The following CCZ1B variants were observed in gnomAD, a reference collection of about 807,000 sequenced individuals.
The protein encoded by CCZ1B is CCZ1B vacuolar protein trafficking and biogenesis associated, also known as vacuolar fusion protein CCZ1 homolog B.
In CCZ1B, 25 loss-of-function variants were observed where a neutral mutation model predicts 58.8. The observed-to-expected ratio is 0.43, with a 90% CI of 0.31 to 0.59. The LOEUF is 0.59. Ranked by LOEUF, CCZ1B falls within the 20% of genes least tolerant of loss-of-function variation. The pLI is 0.12. For synonymous variants in CCZ1B, 66 were observed against 173.2 expected, an observed-to-expected ratio of 0.38 and a Z score of 4.86; for missense variants, 180 against 501.5, an observed-to-expected ratio of 0.36 and a Z score of 6.12.
At chr7:6,804,355 G>A (rs1439809764) in intron 12 of CCZ1B, among the ~76,000 whole-genome samples, 8 of 128,352 alleles carry the variant, frequency 6.2e-5, no homozygotes, top group Admixed American at 1.8e-4. Flanking sequence ...CCTGGGAGGC[G>A]GAGGCTGCAG....
At chr7:6,823,398 G>C in intron 4 of CCZ1B, 38 bp from the exon 5 acceptor site, 3 of 1,604,466 alleles carry the variant, frequency 1.9e-6, no homozygotes, top group Non-Finnish European at 2.6e-6. Flanking sequence ...CTCAGTTCAA[G>C]GGAAAAACAA....
chr7:6,824,433 G>T (rs1783162405), intron 3 of CCZ1B, 22 bp downstream of exon 3: 1 of 1,603,866 alleles, frequency 6.2e-7, no homozygotes, highest in Middle Eastern at 2.3e-4. Flanking sequence ...ATTTCAGAAA[G>T]ATACACTGTG....
At chr7:6,813,749 T>A (rs1447433883) in intron 8 of CCZ1B, among the ~76,000 whole-genome samples, 1 of 149,556 alleles carries the variant, frequency 6.7e-6, no homozygotes, top group South Asian at 2.1e-4. Flanking sequence ...CACTAAAACA[T>A]CTACTGAAAA....
intron 5 of CCZ1B, among the ~76,000 whole-genome samples, chr7:6,822,706 C>CTTTTT: frequency 8.3e-6 from 1 of 120,336 alleles, no homozygotes; most frequent in South Asian, 3.3e-4. Flanking sequence ...ACTTTTTATC[C>CTTTTT]TTTTTTTTTT....
chr7:6,818,840 C>G (rs1269650039), intron 7 of CCZ1B, among the ~76,000 whole-genome samples: 35 of 148,802 alleles, frequency 2.4e-4, no homozygotes, highest in African/African-American at 8.7e-4. Flanking sequence ...TGCACAACCT[C>G]GGTTGCCACC....
intron 1 of CCZ1B, among the ~76,000 whole-genome samples, chr7:6,825,299 G>A (rs555501037): frequency 1.4e-5 from 2 of 146,332 alleles, no homozygotes; most frequent in Non-Finnish European, 3.0e-5. Flanking sequence ...GTGCAGTGGC[G>A]CTATTACAGC....
At chr7:6,825,719 C>T (rs541764945) in intron 1 of CCZ1B, among the ~76,000 whole-genome samples, 1 of 129,470 alleles carries the variant, frequency 7.7e-6, no homozygotes, top group Non-Finnish European at 1.6e-5. Context: ...ACAGGGACCT[C>T]CAGGCTTGCA....
chr7:6,810,738 C>T lies in CCZ1B; in HGVS notation c.954+1214G>A, dbSNP rs566875337. 1.1e-4 allele frequency among the ~76,000 whole-genome samples: 17 copies of T among 149,638 alleles called. No individual in the cohort carries two copies. The East Asian group carries it at 3.3e-3, about 29-fold the overall frequency. ...CCCAAAGTGCTGGGACTGCACCTGG[C>T]CCATTTCAATTTTATATTAATAGAT... is the stretch of plus-strand genomic sequence containing the variant. On this transcript the variant is annotated intron_variant, in intron 10 of 14. Coordinates refer to ENST00000316731, the MANE Select transcript of CCZ1B (RefSeq NM_198097.5).
At chr7:6,823,066 T>C (rs367744992) in intron 5 of CCZ1B, among the ~76,000 whole-genome samples, 4 of 148,184 alleles carry the variant, frequency 2.7e-5, no homozygotes, top group Non-Finnish European at 3.0e-5. Flanking sequence ...AGCACATAGA[T>C]ACACTTTTTC....
At chr7:6,818,653 GAAAGA>G (rs1783053573) in intron 7 of CCZ1B, among the ~76,000 whole-genome samples, 1 of 125,816 alleles carries the variant, frequency 7.9e-6, no homozygotes, top group Non-Finnish European at 1.7e-5. Flanking sequence ...AAGAAAGACA[GAAAGA>G]AAGACAGACA....
intron 8 of CCZ1B, chr7:6,814,506 C>G (rs1407866218): frequency 1.7e-5 from 6 of 354,878 alleles, no homozygotes; most frequent in Non-Finnish European, 3.1e-5. Context: ...AAAAACCAAA[C>G]AAACAAAAAC....
chr7:6,819,123 GAAAAAAAA>G lies in CCZ1B; in HGVS notation c.698+635_698+642del, dbSNP rs1173368085. The stretch of plus-strand genomic sequence containing the variant: ...AACACAGTAAACCCCATCTCTATAA[GAAAAAAAA>G]AAAAAAAAAAAAAAAGGTATAAAAA... On this transcript the variant is annotated intron_variant, in intron 7 of 14. Transcript: ENST00000316731. Among the ~76,000 whole-genome samples, 8 of 65,656 alleles carry G rather than the reference GAAAAAAAA, an allele frequency of 1.2e-4. No homozygotes were observed. The East Asian group carries it at 2.7e-3, about 22-fold the overall frequency. The allele number at this position is 65,656 out of a possible 152,430, so 43.1% of individuals were successfully genotyped here.
In CCZ1B at chr7:6,824,523, T is replaced by C; in HGVS notation, c.244A>G (p.Lys82Glu). 1 of 1,608,692 alleles carries C rather than the reference T, an allele frequency of 6.2e-7. No homozygotes were observed. Among genetic ancestry groups the C allele is most frequent in the Non-Finnish European group, 8.5e-7 (1 of 1,179,142 alleles). ...TRTFSPSKPA[K>E]SLHTQKNRQF... The stretch of plus-strand genomic sequence containing the variant: ...CTGTTCTTCTGTGTATGTAAAGATT[T>C]TGCAGGTTTTGATGGGCTAAATGTC... Residue 82 changes from lysine (K) to glutamate (E), a missense_variant, in exon 3 of 15, where the codon AAA becomes GAA. Coordinates refer to ENST00000316731, the MANE Select transcript of CCZ1B (RefSeq NM_198097.5).
intron 4 of CCZ1B, 141 bp from the exon 5 acceptor site, chr7:6,823,501 A>G (rs117732208): frequency 0.04 from 51,690 of 1,278,052 alleles, 27 homozygotes; most frequent in East Asian, 0.22. Flanking sequence ...GTGCTGAAAA[A>G]AAGTGTTTGC....
chr7:6,805,674 G>C, intron 11 of CCZ1B: 1 of 328,226 alleles, frequency 3.0e-6, no homozygotes, highest in Non-Finnish European at 5.4e-6. Context: ...TAAGATGGGT[G>C]GATCGCTTGA....
chr7:6,824,004 G>C, intron 4 of CCZ1B, 85 bp downstream of exon 4: 1 of 789,496 alleles, frequency 1.3e-6, no homozygotes, highest in Non-Finnish European at 1.9e-6. Context: ...AAGCCTCCTA[G>C]TTTAAATCCG....
rs1019873471 is a variant in CCZ1B, at chr7:6,810,575, C to G, written c.954+1377G>C. On this transcript the variant is annotated intron_variant, in intron 10 of 14. Coordinates refer to ENST00000316731, the MANE Select transcript of CCZ1B (RefSeq NM_198097.5). ...TCAAGCGGTTCTCCTGCCTCAGCCT[C>G]CTGAGTAGCTGGGACTACACATGAG... Among the ~76,000 whole-genome samples the G allele has an allele frequency of 4.7e-5, 7 of 148,082 alleles. 1 individual carries two copies. Among genetic ancestry groups the G allele is most frequent in the Admixed American group, 2.0e-4 (3 of 14,896 alleles).
chr7:6,813,419 C>T (rs1482426329), intron 8 of CCZ1B, among the ~76,000 whole-genome samples: 1 of 149,286 alleles, frequency 6.7e-6, no homozygotes, highest in South Asian at 2.1e-4. Flanking sequence ...GATCCCATCT[C>T]TACAAAAAAT....
At chr7:6,809,760 C>G (rs1313392266) in intron 10 of CCZ1B, among the ~76,000 whole-genome samples, 3 of 140,986 alleles carry the variant, frequency 2.1e-5, no homozygotes, top group Admixed American at 1.4e-4. Flanking sequence ...TTTATCTTGG[C>G]GGCTTGAACC....
Sources: allele counts gnomAD v4.1 joint callset (sites outside exome capture counted in the v4.1 genomes callset), GRCh38; gene constraint gnomAD v4.1.1; transcripts MANE v1.5; gene names NCBI Gene and HGNC (gene_info 2026-07-23, HGNC 2026-07-21).